The following MRLN variants were observed in gnomAD, a reference collection of about 807,000 sequenced individuals.
MRLN encodes Linc-RNA activator of myogenesis.
intron 2 of MRLN, among the ~76,000 whole-genome samples, chr10:59,737,781 C>T (rs983440135): frequency 6.6e-6 from 1 of 152,074 alleles, no homozygotes; most frequent in African/African-American, 2.4e-5. Flanking sequence ...TAAAAACTAC[C>T]TGGAATTTGT....
intron 1 of MRLN, among the ~76,000 whole-genome samples, chr10:59,745,068 A>G (rs1333544069): frequency 6.6e-6 from 1 of 152,120 alleles, no homozygotes. Flanking sequence ...TGACCCTGCC[A>G]AATCCCCCTC....
chr10:59,751,186 G>C (rs1589020453), intron 1 of MRLN, among the ~76,000 whole-genome samples: 2 of 152,276 alleles, frequency 1.3e-5, no homozygotes, highest in Middle Eastern at 6.8e-3. Context: ...GGTTAGGCTG[G>C]AGAATAGAAT....
At chr10:59,747,328 G>T (rs1002137470) in intron 1 of MRLN, among the ~76,000 whole-genome samples, 5 of 152,156 alleles carry the variant, frequency 3.3e-5, no homozygotes, top group African/African-American at 1.2e-4. Context: ...GTCTGCCACT[G>T]TGCATGAGAT....
chr10:59,739,620 G>A lies in MRLN; in HGVS notation c.-124-1058C>T, dbSNP rs575809345. ...TGGATATGGAACCCATGGATCTGGA[G>A]GGCCAACTGTATTATGTTTTAGTAT... On this transcript the variant is annotated intron_variant, in intron 1 of 2. Transcript: ENST00000414264. 5.9e-5 allele frequency: 9 copies of A among 152,290 alleles called. No homozygotes were observed. In the East Asian group the frequency reaches 1.5e-3, roughly 26 times the overall value. The allele number at this position is 152,290 out of a possible 1,614,324, so 9.4% of individuals were successfully genotyped here. A position where few individuals can be genotyped will look rare whatever the true frequency, so the allele number is the denominator to read the frequency against.
chr10:59,745,437 T>C (rs927757019), intron 1 of MRLN, among the ~76,000 whole-genome samples: 2 of 150,826 alleles, frequency 1.3e-5, no homozygotes, highest in African/African-American at 2.5e-5. Context: ...GAGGTTATTT[T>C]GGGTCAGATT....
At chr10:59,753,034 C>T (rs960925649) in intron 1 of MRLN, among the ~76,000 whole-genome samples, 3 of 152,206 alleles carry the variant, frequency 2.0e-5, no homozygotes, top group Non-Finnish European at 4.4e-5. Flanking sequence ...GGTCAAGCTG[C>T]AGCCACAGGT....
intron 1 of MRLN, among the ~76,000 whole-genome samples, chr10:59,745,412 T>C (rs1841033347): frequency 6.6e-6 from 1 of 151,974 alleles, no homozygotes; most frequent in Admixed American, 6.5e-5. Context: ...ACCTTCCATT[T>C]CTGATATGAC....
chr10:59,745,861 A>G (rs1841038835), intron 1 of MRLN, among the ~76,000 whole-genome samples: 1 of 152,120 alleles, frequency 6.6e-6, no homozygotes, highest in African/African-American at 2.4e-5. Context: ...AGGGACCATA[A>G]GAACAATGTA....
intron 1 of MRLN, chr10:59,739,556 T>G (rs1564725008): frequency 6.6e-6 from 1 of 152,192 alleles, no homozygotes; most frequent in Non-Finnish European, 1.5e-5. Flanking sequence ...GATACATAGT[T>G]TTTTCAAAAT....
chr10:59,742,571 GT>G lies in MRLN; in HGVS notation c.-124-4010del, dbSNP rs1359934186. The stretch of plus-strand genomic sequence containing the variant: ...AGATTCCAACAGTGTTTCATCTCTT[GT>G]CCTGGGTGGTGGTTATACTAGCAAT... On this transcript the variant is annotated intron_variant, in intron 1 of 2. Transcript: ENST00000414264. Among the ~76,000 whole-genome samples the G allele has an allele frequency of 3.3e-5, 5 of 152,304 alleles. No homozygotes were observed. In the East Asian group the frequency reaches 7.7e-4, roughly 23 times the overall value.
chr10:59,748,807 G>C (rs1841068530), intron 1 of MRLN, among the ~76,000 whole-genome samples: 1 of 152,202 alleles, frequency 6.6e-6, no homozygotes, highest in African/African-American at 2.4e-5. Context: ...TACGTGAGGA[G>C]AGTCTACCTT....
intron 1 of MRLN, among the ~76,000 whole-genome samples, chr10:59,740,921 C>T (rs143631775): frequency 0.017 from 2,519 of 151,930 alleles, 78 homozygotes; most frequent in African/African-American, 0.058. Flanking sequence ...CCTCAGCCTC[C>T]CGAGTAGCTG....
At chr10:59,742,237 TA>T (rs1317234891) in intron 1 of MRLN, among the ~76,000 whole-genome samples, 1 of 152,126 alleles carries the variant, frequency 6.6e-6, no homozygotes, top group African/African-American at 2.4e-5. Context: ...TATATAATAG[TA>T]AAAATTAAAC....
intron 1 of MRLN, among the ~76,000 whole-genome samples, chr10:59,747,163 G>C (rs983223517): frequency 6.6e-6 from 1 of 152,056 alleles, no homozygotes; most frequent in African/African-American, 2.4e-5. Context: ...CATATTTATT[G>C]TTATTTGTTT....
chr10:59,743,839 A>G lies in MRLN; in HGVS notation c.-124-5277T>C, dbSNP rs974530056. 3.3e-5 allele frequency among the ~76,000 whole-genome samples: 5 copies of G among 151,904 alleles called. No homozygotes were observed. The East Asian group carries it at 9.7e-4, about 29-fold the overall frequency. ...GCCGCCACGCCTGACTGGTTTTCGTATTTTTTGGTGGAGACGGGGTTTCGC... is the reference window on the plus strand; with the variant it reads ...GCCGCCACGCCTGACTGGTTTTCGTGTTTTTTGGTGGAGACGGGGTTTCGC... On this transcript the variant is annotated intron_variant, in intron 1 of 2. Transcript: ENST00000414264.
chr10:59,751,669 C>CAAAAAAAAAAAAAAAAAAA (rs10652105), intron 1 of MRLN, among the ~76,000 whole-genome samples: 1 of 82,438 alleles, frequency 1.2e-5, no homozygotes, highest in Non-Finnish European at 2.2e-5. Flanking sequence ...GACTCTGTCT[C>CAAAAAAAAAAAAAAAAAAA]AAAAAAAAAA....
chr10:59,745,080 C>G (rs1020938937), intron 1 of MRLN, among the ~76,000 whole-genome samples: 3 of 151,534 alleles, frequency 2.0e-5, no homozygotes, highest in Non-Finnish European at 2.9e-5. Context: ...ATCCCCCTCT[C>G]TGAGAAACAC....
At chr10:59,744,546 C>T (rs980767211) in intron 1 of MRLN, among the ~76,000 whole-genome samples, 8 of 151,202 alleles carry the variant, frequency 5.3e-5, no homozygotes, top group Admixed American at 1.3e-4. Flanking sequence ...CGCGCCTCTG[C>T]CCAGCCGCCC....
intron 1 of MRLN, among the ~76,000 whole-genome samples, chr10:59,746,460 T>C (rs146362376): frequency 7.9e-5 from 12 of 152,352 alleles, no homozygotes; most frequent in African/African-American, 2.9e-4. Context: ...GCCATGCTCT[T>C]TCAACTATAC....
Sources: allele counts gnomAD v4.1 joint callset (sites outside exome capture counted in the v4.1 genomes callset), GRCh38; gene constraint gnomAD v4.1.1; transcripts MANE v1.5; gene names NCBI Gene and HGNC (gene_info 2026-07-23, HGNC 2026-07-21).